Variants in FBN1 observed in about 807,000 individuals in gnomAD.
The protein encoded by FBN1 is fibrillin 1.
A neutral mutation model predicts 365.1 loss-of-function variants in FBN1; 29 were observed. The ratio of observed to expected loss-of-function variants is 0.08; its 90% CI spans 0.06 to 0.11. FBN1 has a LOEUF of 0.11. Ranked by LOEUF, FBN1 falls within the 10% of genes least tolerant of loss-of-function variation. The probability of loss-of-function intolerance (pLI) is 1.00; values close to 1 mark genes in which losing one functional copy is unlikely to be tolerated. For synonymous variants in FBN1, 1,210 were observed against 1,270.5 expected (o/e 0.95, Z 1.01); for missense variants, 2,476 against 3,703.2 (o/e 0.67, Z 8.60).
chr15:48,576,125 C>G (rs2044345633), intron 6 of FBN1, among the ~76,000 whole-genome samples: 1 of 152,122 alleles, frequency 6.6e-6, no homozygotes, highest in Non-Finnish European at 1.5e-5. Context: ...CTTGGAAAAC[C>G]AATGATTTTG....
chr15:48,422,093 T>C, intron 60 of FBN1, 25 bp from the exon 61 acceptor site: 1 of 1,531,758 alleles, frequency 6.5e-7, no homozygotes, highest in Non-Finnish European at 9.0e-7. Flanking sequence ...AAGAGAGGCA[T>C]TTGAGTCAAG....
At position 48,411,280 on chromosome 15, in the gene FBN1, G is replaced by A. The variant is rs137854466; in HGVS notation, c.8326C>T (p.Arg2776Ter). ...AGAGCTGGAAGGAGTTCTAGGATTCGAACCTTGTTACTGACGTGGGAAATA... is the reference window on the plus strand; with the variant it reads ...AGAGCTGGAAGGAGTTCTAGGATTCAAACCTTGTTACTGACGTGGGAAATA... ...FNISHVSNKV[R>*]ILELLPALTT... Residue 2776 changes from arginine to a stop codon, truncating the protein, a stop_gained, in exon 66 of 66, where the codon CGA becomes TGA. Transcript: ENST00000316623. LOFTEE classifies it high-confidence loss of function. The A allele has an allele frequency of 1.2e-5, 19 of 1,613,900 alleles. No individual in the cohort carries two copies.
intron 34 of FBN1, among the ~76,000 whole-genome samples, chr15:48,474,043 A>G (rs1055838224): frequency 3.3e-5 from 5 of 152,162 alleles, no homozygotes; most frequent in African/African-American, 9.7e-5. Context: ...CTATCTATCT[A>G]TCTACCTACG....
intron 19 of FBN1, among the ~76,000 whole-genome samples, chr15:48,496,627 A>C (rs1168930428): frequency 6.6e-6 from 1 of 152,206 alleles, no homozygotes; most frequent in Non-Finnish European, 1.5e-5. Context: ...ATATTTAGAA[A>C]GTATGGTCCA....
intron 9 of FBN1, among the ~76,000 whole-genome samples, chr15:48,522,561 G>C (rs1317735317): frequency 5.9e-5 from 9 of 152,094 alleles, no homozygotes; most frequent in Non-Finnish European, 1.3e-4. Context: ...TGGGTTTCCT[G>C]TAAGTCTGAA....
chr15:48,444,506 C>T (rs1277853634), intron 49 of FBN1, 35 bp downstream of exon 49: 1 of 1,612,222 alleles, frequency 6.2e-7, no homozygotes, highest in Non-Finnish European at 8.5e-7. Context: ...GGACACCCGA[C>T]ACTCCTCATT....
intron 17 of FBN1, among the ~76,000 whole-genome samples, chr15:48,503,296 C>CA (rs754101177): frequency 0.014 from 1,041 of 74,132 alleles, 14 homozygotes; most frequent in East Asian, 0.055. Context: ...GACTCCATCT[C>CA]AAAAAAAAAA....
At chr15:48,516,138 T>G (rs752302839) in intron 11 of FBN1, 45 bp downstream of exon 11, 1 of 1,542,060 alleles carries the variant, frequency 6.5e-7, no homozygotes, top group African/African-American at 1.4e-5. Flanking sequence ...AAATGTTAAC[T>G]TGAACAATGC....
chr15:48,568,055 A>AGAAAGAAAGAAAGAAAGAAAGAG (rs1566928790), intron 6 of FBN1, among the ~76,000 whole-genome samples: 7 of 144,940 alleles, frequency 4.8e-5, no homozygotes, highest in African/African-American at 1.6e-4. Context: ...GAAAGAAGAA[A>AGAAAGAAAGAAAGAAAGAAAGAG]GAAAGAAAGA....
At chr15:48,593,516 A>G (rs1329755311) in intron 6 of FBN1, among the ~76,000 whole-genome samples, 1 of 152,198 alleles carries the variant, frequency 6.6e-6, no homozygotes, top group Non-Finnish European at 1.5e-5. Context: ...TCAATTAGAT[A>G]TCAACATTGT....
At position 48,516,139 on chromosome 15, in the gene FBN1, T is replaced by G. The variant is rs760370782; in HGVS notation, c.1327+44A>C. On this transcript the variant is annotated intron_variant, in intron 11 of 65. Coordinates refer to ENST00000316623, the MANE Select transcript of FBN1 (RefSeq NM_000138.5). Reference sequence around the variant, plus strand: ...AATAAATAATAAAAAAATGTTAACTTGAACAATGCAAGAAAAATAACTAGA... The same window carrying G: ...AATAAATAATAAAAAAATGTTAACTGGAACAATGCAAGAAAAATAACTAGA... The G allele has an allele frequency of 1.9e-6, 3 of 1,543,864 alleles. No homozygotes were observed. In the South Asian group the frequency reaches 3.4e-5, roughly 17 times the overall value.
At chr15:48,489,525 C>A (rs1483450595) in intron 25 of FBN1, among the ~76,000 whole-genome samples, 1 of 152,066 alleles carries the variant, frequency 6.6e-6, no homozygotes, top group Non-Finnish European at 1.5e-5. Flanking sequence ...ATCTCCAGAA[C>A]ACCAAGTCCT....
chr15:48,531,734 A>T (rs2043974956), intron 8 of FBN1, among the ~76,000 whole-genome samples: 2 of 152,172 alleles, frequency 1.3e-5, no homozygotes, highest in Non-Finnish European at 2.9e-5. Flanking sequence ...CCGGCTTGCC[A>T]AGAGCTCTCA....
At chr15:48,575,224 G>A (rs1488906020) in intron 6 of FBN1, among the ~76,000 whole-genome samples, 2 of 152,186 alleles carry the variant, frequency 1.3e-5, no homozygotes, top group East Asian at 1.9e-4. Flanking sequence ...CTTGCAACTC[G>A]TATTAAATGT....
At chr15:48,474,792 T>C in intron 32 of FBN1, 142 bp from the exon 33 acceptor site, 10 of 903,726 alleles carry the variant, frequency 1.1e-5, no homozygotes, top group Admixed American at 2.2e-5. Flanking sequence ...ATATAAACTC[T>C]ACATATATCA....
At chr15:48,435,798 GTGTGTGTGTGTGTA>G (rs2043067319) in intron 53 of FBN1, among the ~76,000 whole-genome samples, 1 of 126,966 alleles carries the variant, frequency 7.9e-6, no homozygotes. Context: ...GTGTGTGTGT[GTGTGTGTGTGTGTA>G]TATATGCCTT....
intron 7 of FBN1, 58 bp downstream of exon 7, chr15:48,537,553 A>G (rs969298965): frequency 2.1e-5 from 33 of 1,594,340 alleles, no homozygotes; most frequent in Non-Finnish European, 2.8e-5. Context: ...TCATTGGAGA[A>G]TGGCTCTCCA....
intron 8 of FBN1, among the ~76,000 whole-genome samples, chr15:48,528,683 G>A (rs1044517139): frequency 6.6e-6 from 1 of 152,156 alleles, no homozygotes; most frequent in South Asian, 2.1e-4. Context: ...ATGTCATAGT[G>A]CACACCTCCC....
chr15:48,445,199 T>C (rs531566144), intron 48 of FBN1, among the ~76,000 whole-genome samples, 177 bp downstream of exon 48: 2 of 140,636 alleles, frequency 1.4e-5, no homozygotes, highest in African/African-American at 2.6e-5. Flanking sequence ...TATATATACA[T>C]ATATATATGT....
Sources: allele counts gnomAD v4.1 joint callset (sites outside exome capture counted in the v4.1 genomes callset), GRCh38; gene constraint gnomAD v4.1.1; transcripts MANE v1.5; gene names NCBI Gene and HGNC (gene_info 2026-07-23, HGNC 2026-07-21).